RAI2: variants seen among roughly 807,000 people sequenced by gnomAD.
The protein encoded by RAI2 is retinoic acid-induced protein 2.
Under a neutral mutation model 15.3 loss-of-function variants are expected in RAI2, and 5 were observed. The ratio of observed to expected loss-of-function variants is 0.33; its 90% CI spans 0.17 to 0.69. The LOEUF (loss-of-function observed/expected upper bound fraction) is 0.69. Ranked by LOEUF, RAI2 falls within the 30% of genes least tolerant of loss-of-function variation. The pLI is 0.69. For missense variants in RAI2, 424 were observed against 424.7 expected, an observed-to-expected ratio of 1.00 and a Z score of 0.01; for synonymous variants, 191 against 184.0, an observed-to-expected ratio of 1.04 and a Z score of -0.31.
intron 1 of RAI2, among the ~76,000 whole-genome samples, chrX:17,841,890 T>C (rs778049717): frequency 1.2e-4 from 14 of 112,630 alleles, no homozygotes; most frequent in Non-Finnish European, 2.4e-4. Flanking sequence ...AAGTAACTCA[T>C]CAGAAATCTT....
intron 1 of RAI2, among the ~76,000 whole-genome samples, chrX:17,854,010 T>C (rs1322505239): frequency 1.8e-5 from 2 of 112,117 alleles, no homozygotes; most frequent in African/African-American, 6.5e-5. Flanking sequence ...TCTTTCCCGT[T>C]TTTTGCTAGC....
chrX:17,858,316 AG>A (rs1488224126), intron 1 of RAI2, among the ~76,000 whole-genome samples: 3 of 112,248 alleles, frequency 2.7e-5, no homozygotes, highest in Non-Finnish European at 3.8e-5. Flanking sequence ...CTTCCATCAC[AG>A]GGTGGCTGAG....
intron 1 of RAI2, among the ~76,000 whole-genome samples, chrX:17,825,202 G>A (rs1386053438): frequency 5.3e-5 from 6 of 112,773 alleles, no homozygotes; most frequent in Non-Finnish European, 9.4e-5. Context: ...AAAATGGCCC[G>A]GTTCCAAAAT....
chrX:17,832,795 G>A (rs1296894254), intron 1 of RAI2, among the ~76,000 whole-genome samples: 3 of 112,001 alleles, frequency 2.7e-5, no homozygotes, highest in Non-Finnish European at 5.6e-5. Context: ...AGGCGCTGAG[G>A]TCCCTCCTTA....
At chrX:17,810,053 T>C (rs1310480666) in intron 1 of RAI2, among the ~76,000 whole-genome samples, 1 of 111,776 alleles carries the variant, frequency 8.9e-6, no homozygotes, top group African/African-American at 3.3e-5. Context: ...ATTACAGGCA[T>C]GAGCCACCGT....
At chrX:17,821,150 T>C (rs1205325416) in intron 1 of RAI2, among the ~76,000 whole-genome samples, 1 of 112,477 alleles carries the variant, frequency 8.9e-6, no homozygotes, top group Non-Finnish European at 1.9e-5. Context: ...ATCATGACAA[T>C]GTTCTATACA....
intron 1 of RAI2, among the ~76,000 whole-genome samples, chrX:17,851,010 T>A (rs1338789679): frequency 8.9e-6 from 1 of 112,869 alleles, no homozygotes; most frequent in African/African-American, 3.2e-5. Flanking sequence ...GCAAACCTGG[T>A]CTGTGGGGAC....
chrX:17,803,027 C>G (rs927480254), intron 1 of RAI2, among the ~76,000 whole-genome samples: 1 of 111,562 alleles, frequency 9.0e-6, no homozygotes, highest in African/African-American at 3.3e-5. Flanking sequence ...ATCTGAGCAG[C>G]CTTGGAGTCT....
At chrX:17,826,767 A>G (rs1208214388) in intron 1 of RAI2, among the ~76,000 whole-genome samples, 1 of 111,306 alleles carries the variant, frequency 9.0e-6, no homozygotes, top group African/African-American at 3.3e-5. Flanking sequence ...GAGTTCTCAC[A>G]AGATCTGATG....
At chrX:17,805,152 C>T (rs2066962929) in intron 1 of RAI2, among the ~76,000 whole-genome samples, 1 of 112,829 alleles carries the variant, frequency 8.9e-6, no homozygotes, top group African/African-American at 3.2e-5. Flanking sequence ...GGCTTCCCTT[C>T]GACTGGGAGA....
At position 17,832,555 on chromosome X, in the gene RAI2, T is replaced by C. The variant is rs187726276; in HGVS notation, c.-25+28543A>G. Among the ~76,000 whole-genome samples, 39 of 112,066 alleles carry C rather than the reference T, an allele frequency of 3.5e-4. No individual in the cohort carries two copies. The East Asian group carries it at 9.3e-3, about 27-fold the overall frequency. On this transcript the variant is annotated intron_variant, in intron 1 of 1. Transcript: ENST00000451717. ...GAGAGGCAATAATGGTTACTTTATT[T>C]CCCAGATTCAGAAAATGGGCAGGTG...
chrX:17,811,413 C>G (rs2067048446), intron 1 of RAI2, among the ~76,000 whole-genome samples: 1 of 112,115 alleles, frequency 8.9e-6, no homozygotes, highest in Non-Finnish European at 1.9e-5. Context: ...AGGTCTTGGG[C>G]CAAGGTCTAT....
intron 1 of RAI2, among the ~76,000 whole-genome samples, chrX:17,815,705 T>C (rs1003877667): frequency 3.6e-5 from 4 of 111,571 alleles, no homozygotes; most frequent in African/African-American, 1.3e-4. Context: ...CTTCAAACAT[T>C]AGAGGGGTTA....
chrX:17,815,693 T>A (rs1270434279), intron 1 of RAI2, among the ~76,000 whole-genome samples: 3 of 111,079 alleles, frequency 2.7e-5, no homozygotes, highest in Admixed American at 9.5e-5. Context: ...GAGTCAAGAG[T>A]GCTTCAAACA....
chrX:17,847,197 C>T (rs947842444), intron 1 of RAI2, among the ~76,000 whole-genome samples: 2 of 112,090 alleles, frequency 1.8e-5, no homozygotes, highest in Admixed American at 9.4e-5. Context: ...AGAGAGGCAG[C>T]CTCCTAAGAT....
intron 1 of RAI2, among the ~76,000 whole-genome samples, chrX:17,815,688 A>G (rs779868520): frequency 1.6e-3 from 179 of 111,803 alleles, no homozygotes; most frequent in Non-Finnish European, 2.9e-3. Context: ...GCGGAGAGTC[A>G]AGAGTGCTTC....
Position 17,839,031 on chromosome X carries a change from G to GTCATCA in RAI2, c.-25+22061_-25+22066dup, listed in dbSNP as rs939877106. ...CTTCCCGCTGCCAACCACAGCCACT[G>GTCATCA]TCATCATCATCATCATCATCATTCC... On this transcript the variant is annotated intron_variant, in intron 1 of 1. Coordinates refer to ENST00000451717, the MANE Select transcript of RAI2 (RefSeq NM_021785.6). Among the ~76,000 whole-genome samples the GTCATCA allele has an allele frequency of 3.6e-5, 4 of 111,944 alleles. No homozygotes were observed. In the East Asian group the frequency reaches 8.5e-4, roughly 24 times the overall value.
At chrX:17,848,837 C>CT (rs1422600630) in intron 1 of RAI2, among the ~76,000 whole-genome samples, 17 of 112,629 alleles carry the variant, frequency 1.5e-4, no homozygotes, top group Admixed American at 1.4e-3. Context: ...TCTGCCTGGG[C>CT]TTGCCCTAGA....
intron 1 of RAI2, among the ~76,000 whole-genome samples, chrX:17,839,687 CA>C (rs1252502294): frequency 4.5e-5 from 5 of 112,349 alleles, no homozygotes; most frequent in Non-Finnish European, 7.5e-5. Flanking sequence ...GAATCTCCCC[CA>C]AAGATAAATG....
Sources: allele counts gnomAD v4.1 joint callset (sites outside exome capture counted in the v4.1 genomes callset), GRCh38; gene constraint gnomAD v4.1.1; transcripts MANE v1.5; gene names NCBI Gene and HGNC (gene_info 2026-07-23, HGNC 2026-07-21).